Variants in YY1 observed in about 807,000 individuals in gnomAD.
YY1 encodes the protein YY1 transcription factor.
Under a neutral mutation model 35.6 loss-of-function variants are expected in YY1, and 2 were observed. That is an observed-to-expected ratio of 0.06 (90% CI 0.02 to 0.18). The LOEUF (loss-of-function observed/expected upper bound fraction) is 0.18. YY1 is among the 10% of genes least tolerant of loss of function. The pLI is 1.00. For synonymous variants in YY1, 268 were observed against 238.9 expected (o/e 1.12, Z -1.12); for missense variants, 322 against 573.4 (o/e 0.56, Z 4.48).
At chr14:100,272,001 G>A (rs888210947) in intron 2 of YY1, among the ~76,000 whole-genome samples, 25 of 152,002 alleles carry the variant, frequency 1.6e-4, no homozygotes, top group African/African-American at 5.8e-4. Flanking sequence ...ATCCATTTAC[G>A]AGAAAGGACG....
chr14:100,276,290 T>A lies in YY1; in HGVS notation c.904-200T>A, dbSNP rs1404992892. On this transcript the variant is annotated intron_variant, in intron 3 of 4. Coordinates refer to ENST00000262238, the MANE Select transcript of YY1 (RefSeq NM_003403.5). The surrounding 1 kb of genome is among the most constrained non-coding windows in gnomAD (Gnocchi z 4.1). ...AGTTTCCTCATCTGTAAAACTAGGG[T>A]TTGCATTGAATGATGACTTTTTCAG... 11 of 677,710 alleles carry A rather than the reference T, an allele frequency of 1.6e-5. No homozygotes were observed. The African/African-American group carries it at 2.0e-4, about 12-fold the overall frequency. The allele number at this position is 677,710 out of a possible 1,614,324, so 42.0% of individuals were successfully genotyped here. A position where few individuals can be genotyped will look rare whatever the true frequency, so the allele number is the denominator to read the frequency against.
At chr14:100,253,743 T>C (rs1437612684) in intron 1 of YY1, among the ~76,000 whole-genome samples, 1 of 152,114 alleles carries the variant, frequency 6.6e-6, no homozygotes, top group Non-Finnish European at 1.5e-5. Flanking sequence ...CACCTCAGCC[T>C]CCCAAAGTAC....
At chr14:100,272,651 G>A (rs965505510) in intron 2 of YY1, among the ~76,000 whole-genome samples, 3 of 146,882 alleles carry the variant, frequency 2.0e-5, no homozygotes, top group Non-Finnish European at 3.0e-5. Context: ...TTTTTTTTTC[G>A]ACTTTGACTT....
intron 1 of YY1, among the ~76,000 whole-genome samples, chr14:100,241,113 C>A (rs933816681): frequency 6.6e-6 from 1 of 152,100 alleles, no homozygotes; most frequent in Non-Finnish European, 1.5e-5. Flanking sequence ...TTTTTTAGGT[C>A]AGTATCCTAT....
rs763949652 is a variant in YY1 at position 100,274,710 on chromosome 14, A to G, written c.855A>G (p.Arg285=). 1 of 1,614,066 alleles carries G rather than the reference A, an allele frequency of 6.2e-7. No homozygotes were observed. Among genetic ancestry groups the G allele is most frequent in the Admixed American group, 1.7e-5 (1 of 60,034 alleles). The change falls in exon 3 of 5, where the codon AGA becomes AGG. Residue 285 remains arginine, a synonymous_variant. Transcript: ENST00000262238. The part of the protein sequence containing the change: ...QLAEFARMKP[R]KIKEDDAPRT... ...TTCTTTTGATAAGAATGAAGCCAAGAAAAATTAAAGAAGATGATGCTCCAA... is the reference window on the plus strand; with the variant it reads ...TTCTTTTGATAAGAATGAAGCCAAGGAAAATTAAAGAAGATGATGCTCCAA...
intron 1 of YY1, among the ~76,000 whole-genome samples, chr14:100,251,122 G>A (rs1451379064): frequency 6.6e-6 from 1 of 152,188 alleles, no homozygotes; most frequent in Non-Finnish European, 1.5e-5. Flanking sequence ...CTTGGAACCT[G>A]TGGGTGTTAA....
At chr14:100,270,389 T>TA (rs1339259516) in intron 2 of YY1, among the ~76,000 whole-genome samples, 1 of 145,090 alleles carries the variant, frequency 6.9e-6, no homozygotes, top group Non-Finnish European at 1.5e-5. Context: ...GGTAGGTGGA[T>TA]CACCTGAGGT....
intron 1 of YY1, among the ~76,000 whole-genome samples, chr14:100,245,167 A>G (rs1890813894): frequency 6.6e-6 from 1 of 151,214 alleles, no homozygotes; most frequent in Admixed American, 6.6e-5. Flanking sequence ...CGATCTCCTG[A>G]CCTCGTGATC....
chr14:100,252,475 A>G (rs1890938620), intron 1 of YY1, among the ~76,000 whole-genome samples: 1 of 152,150 alleles, frequency 6.6e-6, no homozygotes, highest in Non-Finnish European at 1.5e-5. Context: ...TTTTCCACAC[A>G]TTCTATCTTA....
At chr14:100,274,795 T>C (rs1475277823) in intron 3 of YY1, 37 bp downstream of exon 3, 10 of 1,587,278 alleles carry the variant, frequency 6.3e-6, no homozygotes, top group Non-Finnish European at 8.7e-6. Flanking sequence ...CATTAAACTG[T>C]TGATGAAGTT....
rs72711984 is a variant in YY1, at chr14:100,272,965, G to T, written c.843-1733G>T. On this transcript the variant is annotated intron_variant, in intron 2 of 4. Transcript: ENST00000262238. ...GCTAGTTTTTTGTTGTTTTTTTTTTGTTTTTTTTTTTTTGAGACGGTATTT... is the reference window on the plus strand; with the variant it reads ...GCTAGTTTTTTGTTGTTTTTTTTTTTTTTTTTTTTTTTTGAGACGGTATTT... Among the ~76,000 whole-genome samples, 105 of 127,600 alleles carry T rather than the reference G, an allele frequency of 8.2e-4. 1 individual carries two copies. The highest frequency in any genetic ancestry group is 4.2e-3 in the South Asian group (18 of 4,246). 83.7% of individuals were successfully genotyped at this position (127,600 alleles called of 152,430 possible).
chr14:100,259,148 C>T (rs1186818361), intron 1 of YY1, among the ~76,000 whole-genome samples: 1 of 152,168 alleles, frequency 6.6e-6, no homozygotes, highest in Non-Finnish European at 1.5e-5. Context: ...TGCAGTTAGC[C>T]TTGAAAATTT....
Position 100,276,354 on chromosome 14 carries a change from C to G in YY1, c.904-136C>G. The G allele has an allele frequency of 8.4e-7, 1 of 1,184,738 alleles. No individual in the cohort carries two copies. The highest frequency in any genetic ancestry group is 1.2e-6 in the Non-Finnish European group (1 of 822,220). 73.4% of individuals were successfully genotyped at this position (1,184,738 alleles called of 1,614,324 possible). ...GTCTTAAATGATATTAATGTTCTAC[C>G]GTAATACTAAGTAAAATTAAAATGG... On this transcript the variant is annotated intron_variant, in intron 3 of 4. Coordinates refer to ENST00000262238, the MANE Select transcript of YY1 (RefSeq NM_003403.5). This position sits in a 1 kb window ranked among gnomAD's most constrained non-coding sequence, Gnocchi z 4.1.
chr14:100,240,498 A>C, intron 1 of YY1, among the ~76,000 whole-genome samples: 1 of 144,588 alleles, frequency 6.9e-6, no homozygotes. Context: ...CCCCGGTGGC[A>C]CCTTCCAGAA....
chr14:100,252,732 T>C (rs918208522), intron 1 of YY1, among the ~76,000 whole-genome samples: 1 of 152,222 alleles, frequency 6.6e-6, no homozygotes, highest in African/African-American at 2.4e-5. Flanking sequence ...ACTTAAGTTA[T>C]ATTGGTTAAA....
At chr14:100,259,515 G>A (rs79594023) in intron 1 of YY1, among the ~76,000 whole-genome samples, 3 of 150,440 alleles carry the variant, frequency 2.0e-5, no homozygotes, top group Admixed American at 6.6e-5. Context: ...GCGAGACTCC[G>A]TCTCAAAAAA....
intron 1 of YY1, among the ~76,000 whole-genome samples, chr14:100,254,123 A>C (rs1192394761): frequency 6.6e-6 from 1 of 152,212 alleles, no homozygotes; most frequent in African/African-American, 2.4e-5. Context: ...GGCGTGAGCC[A>C]CCACACATGG....
chr14:100,266,432 G>C (rs1252023477), intron 2 of YY1, among the ~76,000 whole-genome samples: 4 of 152,138 alleles, frequency 2.6e-5, no homozygotes, highest in Non-Finnish European at 5.9e-5. Flanking sequence ...ATCTATGGGT[G>C]GTGAGCAGTA....
chr14:100,277,722 C>A lies in YY1; in HGVS notation c.*122C>A. 1 of 1,058,566 alleles carries A rather than the reference C, an allele frequency of 9.4e-7. No homozygotes were observed. The highest frequency in any genetic ancestry group is 1.4e-6 in the Non-Finnish European group (1 of 725,212). The allele number at this position is 1,058,566 out of a possible 1,614,324, so 65.6% of individuals were successfully genotyped here. ...GAATTTTAAAAATGAATCCTACACACCTAAGGGACATGTTTTGATAAAGTA... is the reference window on the plus strand; with the variant it reads ...GAATTTTAAAAATGAATCCTACACAACTAAGGGACATGTTTTGATAAAGTA... On this transcript the variant is annotated 3_prime_UTR_variant, in exon 5 of 5. Transcript: ENST00000262238. The surrounding 1 kb of genome is among the most constrained non-coding windows in gnomAD (Gnocchi z 5.6).
Sources: allele counts gnomAD v4.1 joint callset (sites outside exome capture counted in the v4.1 genomes callset), GRCh38; gene constraint gnomAD v4.1.1; non-coding constraint Gnocchi (gnomAD v3.1); transcripts MANE v1.5; gene names NCBI Gene and HGNC (gene_info 2026-07-23, HGNC 2026-07-21).